Variants in VPS4B observed in about 807,000 individuals in gnomAD.
VPS4B encodes the protein vacuolar protein sorting 4 homolog B.
In VPS4B, 23 loss-of-function variants were observed where a neutral mutation model predicts 56.1. The observed-to-expected ratio is 0.41, with a 90% CI of 0.30 to 0.58. The LOEUF is 0.58. Among genes scored for constraint, VPS4B ranks in the 20% least tolerant of loss-of-function variants. The probability of loss-of-function intolerance (pLI) is 0.29; values close to 1 mark genes in which losing one functional copy is unlikely to be tolerated. For synonymous variants in VPS4B, 177 were observed against 186.0 expected, an observed-to-expected ratio of 0.95 and a Z score of 0.39; for missense variants, 372 against 531.9, an observed-to-expected ratio of 0.70 and a Z score of 2.96.
chr18:63,408,158 T>C (rs1046508656), intron 3 of VPS4B, among the ~76,000 whole-genome samples: 1 of 152,220 alleles, frequency 6.6e-6, no homozygotes, highest in Non-Finnish European at 1.5e-5. Context: ...GGGACTAGCA[T>C]ATGACAGGAT....
At chr18:63,421,236 G>T (rs964528295) in intron 1 of VPS4B, among the ~76,000 whole-genome samples, 2 of 152,104 alleles carry the variant, frequency 1.3e-5, no homozygotes, top group Non-Finnish European at 2.9e-5. Flanking sequence ...CTCTTTTTGT[G>T]TATGTGTGTG....
intron 3 of VPS4B, among the ~76,000 whole-genome samples, chr18:63,409,602 C>T (rs752844423): frequency 8.5e-5 from 13 of 152,130 alleles, no homozygotes; most frequent in Non-Finnish European, 1.9e-4. Context: ...AAACTTGGCA[C>T]GCATATGTCA....
intron 9 of VPS4B, among the ~76,000 whole-genome samples, chr18:63,393,945 G>A (rs1420502605): frequency 1.3e-5 from 2 of 151,926 alleles, no homozygotes; most frequent in Admixed American, 1.3e-4. Flanking sequence ...CACCATGTTG[G>A]CCAAGATGGT....
At chr18:63,394,057 T>A (rs1250949468) in intron 9 of VPS4B, among the ~76,000 whole-genome samples, 7 of 152,158 alleles carry the variant, frequency 4.6e-5, no homozygotes, top group Non-Finnish European at 8.8e-5. Context: ...TTTTTCTTGA[T>A]GCTTTCTATA....
rs1343055456 is a variant in VPS4B, at chr18:63,403,612, A to G, written c.484+95T>C. 3 of 1,277,946 alleles carry G rather than the reference A, an allele frequency of 2.3e-6. No homozygotes were observed. The East Asian group carries it at 7.5e-5, about 32-fold the overall frequency. 79.2% of individuals were successfully genotyped at this position (1,277,946 alleles called of 1,614,324 possible). A position where few individuals can be genotyped will look rare whatever the true frequency, so the allele number is the denominator to read the frequency against. On this transcript the variant is annotated intron_variant, in intron 5 of 10. Coordinates refer to ENST00000238497, the MANE Select transcript of VPS4B (RefSeq NM_004869.4). ...TTTTAACAGTCACAATTTATTTAAG[A>G]TAATTCATTAGTGACAAGAATGACA...
chr18:63,395,286 C>T (rs1376371020), intron 9 of VPS4B, among the ~76,000 whole-genome samples: 1 of 152,136 alleles, frequency 6.6e-6, no homozygotes, highest in Non-Finnish European at 1.5e-5. Flanking sequence ...TAAGAAAAAA[C>T]ATAATGGCTG....
Position 63,422,388 on chromosome 18 carries a change from G to A in VPS4B, c.-129C>T. On this transcript the variant is annotated 5_prime_UTR_variant, in exon 1 of 11. Transcript: ENST00000238497. ...GGTGGTTCTCGGACCGCGAAGGGCA[G>A]CCTCCCTTCCGGAACTTGTTTTAGA... is the stretch of plus-strand genomic sequence containing the variant. The A allele has an allele frequency of 1.2e-6, 1 of 847,350 alleles. No individual in the cohort carries two copies. The highest frequency in any genetic ancestry group is 1.7e-6 in the Non-Finnish European group (1 of 600,076). 52.5% of individuals were successfully genotyped at this position (847,350 alleles called of 1,614,324 possible).
Position 63,397,210 on chromosome 18 carries a change from G to A in VPS4B, c.916C>T (p.Arg306Ter), listed in dbSNP as rs749668835. ...AGGTGCAGTTTAAACATTGCTGCTC[G>A]GGCATGGGGTTCCGGCAAGGGAATA... ...IYIPLPEPHARAAMFKLHLGT... is the reference protein window; with the variant it reads ...IYIPLPEPHA The change falls in exon 9 of 11, where the codon CGA (arginine) becomes TGA (stop). Residue 306 changes from arginine to a stop codon, truncating the protein, a stop_gained. Coordinates refer to ENST00000238497, the MANE Select transcript of VPS4B (RefSeq NM_004869.4). LOFTEE classifies it high-confidence loss of function. 4.3e-6 allele frequency: 7 copies of A among 1,613,416 alleles called. No homozygotes were observed. Among genetic ancestry groups the A allele is most frequent in the Admixed American group, 3.3e-5 (2 of 59,936 alleles).
intron 1 of VPS4B, among the ~76,000 whole-genome samples, chr18:63,414,120 G>A (rs963858144): frequency 8.7e-5 from 13 of 150,258 alleles, no homozygotes; most frequent in Non-Finnish European, 1.6e-4. Flanking sequence ...AGTGGCTCAC[G>A]CCTGTAATCC....
At chr18:63,398,979 A>T (rs1915749684) in intron 8 of VPS4B, among the ~76,000 whole-genome samples, 1 of 152,248 alleles carries the variant, frequency 6.6e-6, no homozygotes, top group South Asian at 2.1e-4. Context: ...AAACTTAATC[A>T]GAATGAAAGG....
intron 5 of VPS4B, among the ~76,000 whole-genome samples, chr18:63,401,258 A>C (rs371581848): frequency 8.6e-5 from 13 of 152,044 alleles, no homozygotes; most frequent in South Asian, 2.1e-4. Context: ...ACTTTCTTTT[A>C]TTTTATTTTT....
rs145026728 is a variant in VPS4B at position 63,406,781 on chromosome 18, T to C, written c.364+651A>G. On this transcript the variant is annotated intron_variant, in intron 4 of 10. Transcript: ENST00000238497. Reference sequence around the variant, plus strand: ...TTTCTATTTTAGAGATGGGGGACGCTGGTTCTGAGAGATTCAGTCACTTGC... The same window carrying C: ...TTTCTATTTTAGAGATGGGGGACGCCGGTTCTGAGAGATTCAGTCACTTGC... Among the ~76,000 whole-genome samples the C allele has an allele frequency of 9.2e-5, 14 of 152,364 alleles. No individual in the cohort carries two copies. The East Asian group carries it at 2.5e-3, about 27-fold the overall frequency.
At position 63,397,100 on chromosome 18, in the gene VPS4B, A is replaced by G. The variant is rs2144413892; in HGVS notation, c.1026T>C (p.Ser342=). The G allele has an allele frequency of 1.2e-6, 2 of 1,614,162 alleles. No individual in the cohort carries two copies. Among genetic ancestry groups the G allele is most frequent in the Non-Finnish European group, 1.7e-6 (2 of 1,180,032 alleles). The stretch of plus-strand genomic sequence containing the variant: ...GCATAAGGGCATCACGTACAATGAT[A>G]CTTATATCTGCCCCTGAATAACCAT... ...KTDGYSGADI[S]IIVRDALMQP... The change falls in exon 9 of 11, where the codon AGT becomes AGC. Residue 342 remains serine (S), a synonymous_variant. Coordinates refer to ENST00000238497, the MANE Select transcript of VPS4B (RefSeq NM_004869.4).
rs370201105 is a variant in VPS4B, at chr18:63,420,309, G to A, written c.27+1924C>T. 1.2e-4 allele frequency among the ~76,000 whole-genome samples: 19 copies of A among 152,178 alleles called. No individual in the cohort carries two copies. In the East Asian group the frequency reaches 3.1e-3, roughly 25 times the overall value. Reference sequence around the variant, plus strand: ...TAAAAATAGAAAAAATTAGCCAGGCGTGGTGGCAGGCACCTGTAATCCCAG... The same window carrying A: ...TAAAAATAGAAAAAATTAGCCAGGCATGGTGGCAGGCACCTGTAATCCCAG... On this transcript the variant is annotated intron_variant, in intron 1 of 10. Coordinates refer to ENST00000238497, the MANE Select transcript of VPS4B (RefSeq NM_004869.4).
At chr18:63,402,001 GAAACA>G (rs1218300406) in intron 5 of VPS4B, among the ~76,000 whole-genome samples, 7 of 151,912 alleles carry the variant, frequency 4.6e-5, no homozygotes, top group South Asian at 2.1e-4. Context: ...CTCAAAAAAA[GAAACA>G]AAACAAAACA....
Position 63,393,519 on chromosome 18 carries a change from G to A in VPS4B, c.1123C>T (p.His375Tyr), listed in dbSNP as rs754213173. The A allele has an allele frequency of 5.6e-6, 9 of 1,607,536 alleles. No individual in the cohort carries two copies. In the South Asian group the frequency reaches 1.0e-4, roughly 18 times the overall value. Reference sequence around the variant, plus strand: ...GGTGTTAGCAGATCATCTACAAGATGGTTAGGATCAGCTCGGGAAGGTCCG... The same window carrying A: ...GGTGTTAGCAGATCATCTACAAGATAGTTAGGATCAGCTCGGGAAGGTCCG... ...VRGPSRADPN[H>Y]LVDDLLTPCS... is the part of the protein sequence containing the mutation. Residue 375 changes from histidine (H) to tyrosine (Y), a missense_variant, in exon 10 of 11, where the codon CAT (histidine) becomes TAT (tyrosine). Transcript: ENST00000238497.
chr18:63,421,238 A>C (rs1916294323), intron 1 of VPS4B, among the ~76,000 whole-genome samples: 1 of 152,050 alleles, frequency 6.6e-6, no homozygotes. Context: ...CTTTTTGTGT[A>C]TGTGTGTGTG....
At chr18:63,419,416 C>CA (rs113343067) in intron 1 of VPS4B, among the ~76,000 whole-genome samples, 5,573 of 140,914 alleles carry the variant, frequency 0.04, 305 homozygotes, top group African/African-American at 0.13. Context: ...GACTCTGTCT[C>CA]AAAAAAAAAA....
At chr18:63,411,323 C>T (rs1916035815) in intron 2 of VPS4B, 144 bp downstream of exon 2, 1 of 546,562 alleles carries the variant, frequency 1.8e-6, no homozygotes, top group African/African-American at 1.9e-5. Flanking sequence ...ACTTAAAAAT[C>T]ACTAGAAAGA....
Sources: gnomAD v4.1 joint callset for allele counts (sites outside exome capture counted in the v4.1 genomes callset) on GRCh38, gnomAD v4.1.1 for gene constraint, MANE v1.5 for transcripts, NCBI Gene and HGNC (gene_info 2026-07-23, HGNC 2026-07-21) for gene names.